FRYL: variants seen among roughly 807,000 people sequenced by gnomAD.
FRYL encodes FRY like transcription coactivator.
FRYL carries 150 observed loss-of-function variants against 351.2 expected under a neutral mutation model. The ratio of observed to expected loss-of-function variants is 0.43; its 90% confidence interval spans 0.37 to 0.49. The LOEUF is 0.49. Among genes scored for constraint, FRYL ranks in the 20% least tolerant of loss-of-function variants. The probability of loss-of-function intolerance (pLI) is 0.00; values close to 1 mark genes in which losing one functional copy is unlikely to be tolerated. For synonymous variants in FRYL, 1,153 were observed against 1,257.1 expected, an observed-to-expected ratio of 0.92 and a Z score of 1.75; for missense variants, 3,036 against 3,619.3, an observed-to-expected ratio of 0.84 and a Z score of 4.13.
intron 3 of FRYL, among the ~76,000 whole-genome samples, chr4:48,669,221 G>A (rs1372031804): frequency 6.6e-6 from 1 of 151,992 alleles, no homozygotes; most frequent in Non-Finnish European, 1.5e-5. Context: ...TCTTAAGTGA[G>A]GAATAAGCAG....
At chr4:48,577,237 T>G (rs573017835) in intron 23 of FRYL, among the ~76,000 whole-genome samples, 1 of 152,208 alleles carries the variant, frequency 6.6e-6, no homozygotes, top group Admixed American at 6.5e-5. Context: ...CTTGAAAGAT[T>G]ACATCAATAA....
intron 4 of FRYL, among the ~76,000 whole-genome samples, chr4:48,628,194 G>A (rs1233640647): frequency 6.6e-6 from 1 of 152,202 alleles, no homozygotes; most frequent in East Asian, 1.9e-4. Context: ...ATGCAAAGAT[G>A]TGTGTACAGC....
chr4:48,758,816 G>C (rs1205849909), intron 1 of FRYL, among the ~76,000 whole-genome samples: 11 of 152,188 alleles, frequency 7.2e-5, no homozygotes. Context: ...CAATAGCAAA[G>C]ACTTGGAACC....
At chr4:48,704,949 C>CA (rs780894705) in intron 2 of FRYL, among the ~76,000 whole-genome samples, 878 of 50,040 alleles carry the variant, frequency 0.018, 10 homozygotes, top group South Asian at 0.037. Context: ...GACTCCGTCT[C>CA]AAAAAAAAAA....
At chr4:48,637,266 C>A (rs1340444866) in intron 3 of FRYL, 1 of 152,000 alleles carries the variant, frequency 6.6e-6, no homozygotes, top group Non-Finnish European at 1.5e-5. Flanking sequence ...CATTTTTCAT[C>A]CATCAAAGTT....
rs754987550 is a variant in FRYL at position 48,581,370 on chromosome 4, G to A, written c.2172+50C>T. ...ATGGGATAAGGATGGACAAAGAGAT[G>A]GTTTTTAAGTACTTTCAATAGATAA... On this transcript the variant is annotated intron_variant, in intron 21 of 63. Coordinates refer to ENST00000358350, the MANE Select transcript of FRYL (RefSeq NM_015030.2). 6.0e-6 allele frequency: 9 copies of A among 1,493,674 alleles called. No homozygotes were observed. The East Asian group carries it at 1.6e-4, about 26-fold the overall frequency. The allele number at this position is 1,493,674 out of a possible 1,614,324, so 92.5% of individuals were successfully genotyped here.
intron 3 of FRYL, among the ~76,000 whole-genome samples, chr4:48,643,944 TAA>T (rs1264016612): frequency 6.6e-6 from 1 of 152,036 alleles, no homozygotes; most frequent in Non-Finnish European, 1.5e-5. Flanking sequence ...CAGCTCCAAC[TAA>T]AATTTTTTTT....
intron 11 of FRYL, among the ~76,000 whole-genome samples, chr4:48,604,278 G>T (rs1027657886): frequency 6.6e-6 from 1 of 152,194 alleles, no homozygotes; most frequent in Non-Finnish European, 1.5e-5. Flanking sequence ...GAGGTTACTA[G>T]AGAGGCATGA....
intron 49 of FRYL, 144 bp from the exon 50 acceptor site, chr4:48,531,497 G>T: frequency 1.6e-6 from 1 of 630,396 alleles, no homozygotes; most frequent in Non-Finnish European, 2.8e-6. Context: ...TGAAAGGTTT[G>T]AGTTACAAAA....
intron 1 of FRYL, among the ~76,000 whole-genome samples, chr4:48,714,448 C>A (rs1347444214): frequency 6.9e-6 from 1 of 145,644 alleles, no homozygotes; most frequent in African/African-American, 2.5e-5. Context: ...ATATCACCAC[C>A]GATCCCACAG....
rs546106204 is a variant in FRYL, at chr4:48,640,549, C to T, written c.-80-6059G>A. On this transcript the variant is annotated intron_variant, in intron 3 of 63. Transcript: ENST00000358350. ...ACAGAATTTTTAGGGCAGTGAAACT[C>T]CTCTGTAGTATAGTATATGGTGGAT... Among the ~76,000 whole-genome samples, 60 of 152,232 alleles carry T rather than the reference C, an allele frequency of 3.9e-4. 1 individual carries two copies. Among genetic ancestry groups the T allele is most frequent in the Non-Finnish European group, 7.2e-4 (49 of 68,002 alleles).
At chr4:48,664,219 A>C (rs1345649665) in intron 3 of FRYL, among the ~76,000 whole-genome samples, 1 of 152,228 alleles carries the variant, frequency 6.6e-6, no homozygotes, top group Non-Finnish European at 1.5e-5. Context: ...TAAAGTAGAT[A>C]CTGAAATGCC....
chr4:48,662,661 C>T (rs184486946), intron 3 of FRYL, among the ~76,000 whole-genome samples: 78 of 150,292 alleles, frequency 5.2e-4, no homozygotes, highest in Admixed American at 4.7e-3. Flanking sequence ...CACAGTGGCG[C>T]GTGCATGTAA....
chr4:48,511,578 G>C (rs761810762), intron 57 of FRYL, among the ~76,000 whole-genome samples: 3 of 152,156 alleles, frequency 2.0e-5, no homozygotes, highest in Non-Finnish European at 4.4e-5. Context: ...GTGTTGCACT[G>C]TTAGGTGGCA....
intron 1 of FRYL, among the ~76,000 whole-genome samples, chr4:48,772,869 A>G (rs1168994319): frequency 6.6e-6 from 1 of 152,164 alleles, no homozygotes; most frequent in African/African-American, 2.4e-5. Flanking sequence ...TTTAACAACA[A>G]CAACACTTTT....
intron 47 of FRYL, among the ~76,000 whole-genome samples, chr4:48,537,845 T>C (rs1560560156): frequency 6.6e-6 from 1 of 152,196 alleles, no homozygotes; most frequent in South Asian, 2.1e-4. Flanking sequence ...GCAGTAATCA[T>C]TCAACACATT....
intron 1 of FRYL, among the ~76,000 whole-genome samples, chr4:48,730,561 G>T (rs1770610417): frequency 6.6e-6 from 1 of 152,186 alleles, no homozygotes. Flanking sequence ...CAAGCCAGAA[G>T]ACAGTGGGGG....
intron 1 of FRYL, among the ~76,000 whole-genome samples, chr4:48,733,421 C>T (rs1770958808): frequency 6.6e-6 from 1 of 151,538 alleles, no homozygotes; most frequent in East Asian, 1.9e-4. Context: ...GTGGACCTGC[C>T]TTGAAAGAAA....
At chr4:48,568,394 T>C (rs2149093970) in intron 27 of FRYL, among the ~76,000 whole-genome samples, 1 of 152,336 alleles carries the variant, frequency 6.6e-6, no homozygotes, top group Non-Finnish European at 1.5e-5. Context: ...TCATTAAGCA[T>C]ATATCCAGTA....
Sources: allele counts gnomAD v4.1 joint callset (sites outside exome capture counted in the v4.1 genomes callset), GRCh38; gene constraint gnomAD v4.1.1; transcripts MANE v1.5; gene names NCBI Gene and HGNC (gene_info 2026-07-23, HGNC 2026-07-21).